DCC: variants seen among roughly 807,000 people sequenced by gnomAD.
The protein encoded by DCC is DCC netrin 1 receptor.
In DCC, 58 loss-of-function variants were observed where a neutral mutation model predicts 172.5. That is an observed-to-expected ratio of 0.34 (90% CI 0.27 to 0.42). DCC has a LOEUF of 0.42. Ranked by LOEUF, DCC falls within the 10% of genes least tolerant of loss-of-function variation. The pLI is 1.00. For synonymous variants in DCC, 709 were observed against 644.5 expected, an observed-to-expected ratio of 1.10 and a Z score of -1.52; for missense variants, 1,740 against 1,791.0, an observed-to-expected ratio of 0.97 and a Z score of 0.51.
At chr18:53,521,087 C>T (rs1040623121) in intron 27 of DCC, among the ~76,000 whole-genome samples, 14 of 151,552 alleles carry the variant, frequency 9.2e-5, no homozygotes, top group African/African-American at 3.4e-4. Flanking sequence ...CTCGTGGTTC[C>T]GGCATTCTAA....
At chr18:53,155,883 C>T (rs765897564) in intron 7 of DCC, among the ~76,000 whole-genome samples, 6 of 152,046 alleles carry the variant, frequency 3.9e-5, no homozygotes, top group Admixed American at 6.6e-5. Context: ...ACAAATTAGC[C>T]GGGTGTGGTG....
At chr18:53,455,036 G>T (rs2045466650) in intron 23 of DCC, among the ~76,000 whole-genome samples, 2 of 152,230 alleles carry the variant, frequency 1.3e-5, no homozygotes, top group Non-Finnish European at 2.9e-5. Flanking sequence ...AGAAGCCTTT[G>T]GAAAAGATTT....
chr18:53,226,962 T>TTTC (rs2056043025), intron 12 of DCC, among the ~76,000 whole-genome samples: 1 of 82,932 alleles, frequency 1.2e-5, no homozygotes, highest in Non-Finnish European at 3.0e-5. Context: ...TTTTTTTTTT[T>TTTC]TTTTTGAGGC....
intron 1 of DCC, among the ~76,000 whole-genome samples, chr18:52,390,443 A>T (rs1985987258): frequency 6.6e-6 from 1 of 152,042 alleles, no homozygotes; most frequent in Non-Finnish European, 1.5e-5. Flanking sequence ...GCCTACAGAC[A>T]CTCCAATTTA....
At chr18:52,774,307 C>T (rs369726447) in intron 2 of DCC, among the ~76,000 whole-genome samples, 16 of 152,226 alleles carry the variant, frequency 1.1e-4, no homozygotes, top group African/African-American at 3.9e-4. Context: ...TAGACCAGGC[C>T]CAGTTTGATT....
chr18:52,783,083 C>T (rs77721880), intron 2 of DCC, among the ~76,000 whole-genome samples: 8,032 of 152,038 alleles, frequency 0.053, 284 homozygotes, highest in South Asian at 0.16. Context: ...TAATGAAAAA[C>T]AGACCTAAAC....
chr18:52,642,073 T>C (rs1046832741), intron 1 of DCC, among the ~76,000 whole-genome samples: 308 of 8,134 alleles, frequency 0.038, 5 homozygotes, highest in Middle Eastern at 0.25. Context: ...TATATATATA[T>C]ATATATACAC....
intron 8 of DCC, among the ~76,000 whole-genome samples, chr18:53,176,995 G>C (rs7244705): frequency 0.067 from 10,098 of 151,170 alleles, 508 homozygotes; most frequent in African/African-American, 0.15. Context: ...AATACTATGC[G>C]GCCATAAAAA....
In DCC at chr18:53,310,991, G is replaced by GACACACACACACACACACACACAC. The variant is rs5825008; in HGVS notation, c.2053+5276_2053+5299dup. Among the ~76,000 whole-genome samples, 48 of 145,806 alleles carry GACACACACACACACACACACACAC rather than the reference G, an allele frequency of 3.3e-4. 1 individual carries two copies. Among genetic ancestry groups the GACACACACACACACACACACACAC allele is most frequent in the South Asian group, 9.2e-4 (4 of 4,350 alleles). ...TAAAGGTATACTTAGAAGCATCTAG[G>GACACACACACACACACACACACAC]ACACACACACACACACACACACACA... is the stretch of plus-strand genomic sequence containing the variant. On this transcript the variant is annotated intron_variant, in intron 13 of 28. Coordinates refer to ENST00000442544, the MANE Select transcript of DCC (RefSeq NM_005215.4).
intron 1 of DCC, among the ~76,000 whole-genome samples, chr18:52,747,931 G>A (rs2036932624): frequency 1.3e-5 from 2 of 152,300 alleles, no homozygotes; most frequent in African/African-American, 4.8e-5. Context: ...TTCGCCAGCC[G>A]GAAATCTTCC....
chr18:53,058,202 C>T (rs1170823744), intron 5 of DCC, among the ~76,000 whole-genome samples: 1 of 151,964 alleles, frequency 6.6e-6, no homozygotes, highest in African/African-American at 2.4e-5. Flanking sequence ...CCTAAAGAGC[C>T]ATTTTAACTA....
In DCC at chr18:53,468,019, A is replaced by G. The variant is rs368946662; in HGVS notation, c.3736+9A>G. ...CCAGTCCAACAATCCTGGTGAGTCAATATTGGTGCCACAATGAAGAAATGA... is the reference window on the plus strand; with the variant it reads ...CCAGTCCAACAATCCTGGTGAGTCAGTATTGGTGCCACAATGAAGAAATGA... On this transcript the variant is annotated intron_variant, in intron 25 of 28. Coordinates refer to ENST00000442544, the MANE Select transcript of DCC (RefSeq NM_005215.4). 6.0e-5 allele frequency: 76 copies of G among 1,268,934 alleles called. No homozygotes were observed. Among genetic ancestry groups the G allele is most frequent in the East Asian group, 4.6e-5 (2 of 43,358 alleles). 78.6% of individuals were successfully genotyped at this position (1,268,934 alleles called of 1,614,324 possible).
chr18:52,875,337 A>C (rs1340613443), intron 2 of DCC, among the ~76,000 whole-genome samples: 4 of 152,272 alleles, frequency 2.6e-5, no homozygotes, highest in Admixed American at 6.5e-5. Flanking sequence ...GTATTGCTGC[A>C]ACCTGGCCAT....
At chr18:52,783,673 C>T (rs186233044) in intron 2 of DCC, among the ~76,000 whole-genome samples, 83 of 151,800 alleles carry the variant, frequency 5.5e-4, no homozygotes, top group African/African-American at 1.9e-3. Context: ...ACTGTATATA[C>T]AAGTGTATAT....
intron 1 of DCC, among the ~76,000 whole-genome samples, chr18:52,637,531 C>T (rs901910381): frequency 6.6e-6 from 1 of 151,992 alleles, no homozygotes; most frequent in African/African-American, 2.4e-5. Flanking sequence ...TCTGGAAAGT[C>T]TCAGCAATAG....
At chr18:52,956,390 A>G (rs1027161662) in intron 5 of DCC, among the ~76,000 whole-genome samples, 1 of 151,978 alleles carries the variant, frequency 6.6e-6, no homozygotes, top group African/African-American at 2.4e-5. Context: ...TATATTTGAA[A>G]ATAGCTTTCT....
intron 5 of DCC, among the ~76,000 whole-genome samples, chr18:52,994,235 T>G (rs1360054762): frequency 6.6e-6 from 1 of 152,152 alleles, no homozygotes; most frequent in Non-Finnish European, 1.5e-5. Context: ...AGAATACTCT[T>G]TTTAAAGACC....
rs546815247 is a variant in DCC, at chr18:53,308,431, G to T, written c.2053+2712G>T. ...AACAGTATGATATGTATTTTTAATT[G>T]CATATGCAAAATGAAAAACAATAAG... On this transcript the variant is annotated intron_variant, in intron 13 of 28. Coordinates refer to ENST00000442544, the MANE Select transcript of DCC (RefSeq NM_005215.4). 1.3e-4 allele frequency among the ~76,000 whole-genome samples: 19 copies of T among 150,760 alleles called. No homozygotes were observed. The South Asian group carries it at 3.8e-3, about 30-fold the overall frequency.
intron 20 of DCC, among the ~76,000 whole-genome samples, chr18:53,415,859 G>A (rs760795278): frequency 6.6e-6 from 1 of 151,570 alleles, no homozygotes; most frequent in Non-Finnish European, 1.5e-5. Context: ...TTATATAATT[G>A]TTCTCAGTTT....
Sources: gnomAD v4.1 joint callset for allele counts (sites outside exome capture counted in the v4.1 genomes callset) on GRCh38, gnomAD v4.1.1 for gene constraint, MANE v1.5 for transcripts, NCBI Gene and HGNC (gene_info 2026-07-23, HGNC 2026-07-21) for gene names.